The following SGTB variants were observed in gnomAD, a reference collection of about 807,000 sequenced individuals.
SGTB encodes the protein small glutamine-rich tetratricopeptide repeat-containing protein beta.
A neutral mutation model predicts 43.9 loss-of-function variants in SGTB; 19 were observed. The observed-to-expected ratio is 0.43, with a 90% CI of 0.30 to 0.63. The LOEUF (loss-of-function observed/expected upper bound fraction) is 0.63. Ranked by LOEUF, SGTB falls within the 30% of genes least tolerant of loss-of-function variation. SGTB has a pLI of 0.12. For synonymous variants in SGTB, 116 were observed against 117.3 expected, an observed-to-expected ratio of 0.99 and a Z score of 0.07; for missense variants, 304 against 358.9, an observed-to-expected ratio of 0.85 and a Z score of 1.24.
chr5:65,703,315 G>C (rs1757858752), intron 5 of SGTB, among the ~76,000 whole-genome samples: 1 of 152,200 alleles, frequency 6.6e-6, no homozygotes, highest in Non-Finnish European at 1.5e-5. Flanking sequence ...AGTAGTAATA[G>C]AGATTAATTT....
chr5:65,687,792 G>A (rs554556161), intron 5 of SGTB, among the ~76,000 whole-genome samples: 7 of 152,094 alleles, frequency 4.6e-5, no homozygotes, highest in Non-Finnish European at 8.8e-5. Flanking sequence ...TTTTTGAGAC[G>A]GAGTCTTGCT....
At chr5:65,683,315 T>C (rs939234954) in intron 6 of SGTB, among the ~76,000 whole-genome samples, 25 of 152,128 alleles carry the variant, frequency 1.6e-4, no homozygotes, top group African/African-American at 6.0e-4. Context: ...ATCGAGAGCA[T>C]CAGAAGACAC....
At chr5:65,676,285 C>A (rs909591633) in intron 8 of SGTB, among the ~76,000 whole-genome samples, 2 of 151,924 alleles carry the variant, frequency 1.3e-5, no homozygotes, top group African/African-American at 2.4e-5. Flanking sequence ...CCACTGTACT[C>A]CAGCCTGGGT....
At chr5:65,705,491 A>G (rs950068558) in intron 4 of SGTB, among the ~76,000 whole-genome samples, 1 of 151,986 alleles carries the variant, frequency 6.6e-6, no homozygotes, top group Non-Finnish European at 1.5e-5. Context: ...ATTAGAAACA[A>G]TGGAGATTAG....
chr5:65,720,189 C>A (rs1457222981), intron 2 of SGTB, among the ~76,000 whole-genome samples: 2 of 151,498 alleles, frequency 1.3e-5, no homozygotes, highest in Non-Finnish European at 1.5e-5. Context: ...TTAAGCCACC[C>A]TCCTATCTCA....
intron 4 of SGTB, among the ~76,000 whole-genome samples, chr5:65,705,796 G>A (rs1375966549): frequency 6.6e-6 from 1 of 151,714 alleles, no homozygotes; most frequent in Non-Finnish European, 1.5e-5. Flanking sequence ...GGGAGGGCAA[G>A]GCAGGAGTAT....
At chr5:65,702,060 T>G (rs951933160) in intron 5 of SGTB, among the ~76,000 whole-genome samples, 1 of 152,180 alleles carries the variant, frequency 6.6e-6, no homozygotes, top group Non-Finnish European at 1.5e-5. Flanking sequence ...ATATAGAACA[T>G]TTCGATCACT....
chr5:65,721,536 G>A (rs529318994), intron 1 of SGTB, among the ~76,000 whole-genome samples: 1 of 152,154 alleles, frequency 6.6e-6, no homozygotes, highest in African/African-American at 2.4e-5. Flanking sequence ...CGGCATTCAT[G>A]GCTGATTTCC....
chr5:65,693,499 TATAGAG>T (rs1233545554), intron 5 of SGTB, among the ~76,000 whole-genome samples: 2 of 152,128 alleles, frequency 1.3e-5, no homozygotes, highest in Non-Finnish European at 2.9e-5. Context: ...TGAACATACA[TATAGAG>T]AGAGATGTTC....
rs1554025723 is a variant in SGTB at position 65,704,049 on chromosome 5, A to AAAAT, written c.374+226_374+229dup. 3.3e-3 allele frequency among the ~76,000 whole-genome samples: 467 copies of AAAAT among 139,594 alleles called. 7 individuals carry two copies. The highest frequency in any genetic ancestry group is 4.4e-3 in the South Asian group (19 of 4,338). The allele number at this position is 139,594 out of a possible 152,430, so 91.6% of individuals were successfully genotyped here. A position where few individuals can be genotyped will look rare whatever the true frequency, so the allele number is the denominator to read the frequency against. On this transcript the variant is annotated intron_variant, in intron 5 of 10. Coordinates refer to ENST00000381007, the MANE Select transcript of SGTB (RefSeq NM_019072.3). ...AGACTCCGTCTCAAAAAAAAAAAAA[A>AAAAT]AAATAAATAAATAAATAAATAAATA...
intron 2 of SGTB, among the ~76,000 whole-genome samples, chr5:65,717,455 G>A (rs1394284133): frequency 1.3e-5 from 2 of 151,656 alleles, no homozygotes; most frequent in African/African-American, 4.8e-5. Context: ...TGGAGTAGGT[G>A]AGACAGGATG....
In SGTB at chr5:65,710,987, C is replaced by G. The variant is rs867765456; in HGVS notation, c.204+1974G>C. Among the ~76,000 whole-genome samples the G allele has an allele frequency of 1.0e-4, 14 of 139,050 alleles. 1 individual carries two copies. The South Asian group carries it at 2.3e-3, about 23-fold the overall frequency. The allele number at this position is 139,050 out of a possible 152,430, so 91.2% of individuals were successfully genotyped here. A position where few individuals can be genotyped will look rare whatever the true frequency, so the allele number is the denominator to read the frequency against. On this transcript the variant is annotated intron_variant, in intron 3 of 10. Coordinates refer to ENST00000381007, the MANE Select transcript of SGTB (RefSeq NM_019072.3). ...TTCTAGCCTGCGCAACAGGACAAGACTCTGTCTCAAAAAAAAAAAAAAAAA... is the reference window on the plus strand; with the variant it reads ...TTCTAGCCTGCGCAACAGGACAAGAGTCTGTCTCAAAAAAAAAAAAAAAAA...
intron 3 of SGTB, among the ~76,000 whole-genome samples, chr5:65,710,143 T>C (rs1758017234): frequency 6.6e-6 from 1 of 152,158 alleles, no homozygotes; most frequent in South Asian, 2.1e-4. Context: ...CCTTCCTAAG[T>C]AGAGGTCACT....
intron 1 of SGTB, among the ~76,000 whole-genome samples, chr5:65,721,236 TA>T (rs1284182625): frequency 6.6e-6 from 1 of 152,206 alleles, no homozygotes; most frequent in Admixed American, 6.5e-5. Flanking sequence ...TCATGGGATC[TA>T]AAAAAAGTAT....
At chr5:65,717,509 T>C (rs918018707) in intron 2 of SGTB, among the ~76,000 whole-genome samples, 1 of 151,374 alleles carries the variant, frequency 6.6e-6, no homozygotes, top group Non-Finnish European at 1.5e-5. Context: ...GAAAGGAACA[T>C]GAATAGTCCA....
intron 3 of SGTB, among the ~76,000 whole-genome samples, chr5:65,710,063 A>C (rs73099343): frequency 0.01 from 1,578 of 152,240 alleles, 26 homozygotes; most frequent in African/African-American, 0.037. Context: ...TTTTTTTTTA[A>C]ATCATTATCT....
At position 65,707,395 on chromosome 5, in the gene SGTB, TACACACACACACAC is replaced by T. The variant is rs35011866; in HGVS notation, c.274+1080_274+1093del. 2.4e-3 allele frequency among the ~76,000 whole-genome samples: 317 copies of T among 133,688 alleles called. 3 individuals carry two copies. Among genetic ancestry groups the T allele is most frequent in the African/African-American group, 8.5e-3 (304 of 35,882 alleles). 87.7% of individuals were successfully genotyped at this position (133,688 alleles called of 152,430 possible). A position where few individuals can be genotyped will look rare whatever the true frequency, so the allele number is the denominator to read the frequency against. ...CCTTTTTAGATACCAGCTGATTTTA[TACACACACACACAC>T]ACACACACACACACACACACACACA... On this transcript the variant is annotated intron_variant, in intron 4 of 10. Transcript: ENST00000381007.
At chr5:65,700,597 C>T (rs750270480) in intron 5 of SGTB, among the ~76,000 whole-genome samples, 1 of 149,178 alleles carries the variant, frequency 6.7e-6, no homozygotes, top group Non-Finnish European at 1.5e-5. Context: ...AGGAGAATGG[C>T]GTGAACCCGG....
At chr5:65,700,674 C>T (rs1209641223) in intron 5 of SGTB, among the ~76,000 whole-genome samples, 3 of 125,846 alleles carry the variant, frequency 2.4e-5, no homozygotes, top group African/African-American at 8.9e-5. Context: ...GAGTGAGACT[C>T]TGTCTCCCAA....
Sources: allele counts gnomAD v4.1 joint callset (sites outside exome capture counted in the v4.1 genomes callset), GRCh38; gene constraint gnomAD v4.1.1; transcripts MANE v1.5; gene names NCBI Gene and HGNC (gene_info 2026-07-23, HGNC 2026-07-21).